BCAR1: variants seen among roughly 807,000 people sequenced by gnomAD.
BCAR1 encodes breast cancer anti-estrogen resistance protein 1.
BCAR1 carries 30 observed loss-of-function variants against 67.6 expected under a neutral mutation model. That is an observed-to-expected ratio of 0.44 (90% CI 0.33 to 0.60). The LOEUF (loss-of-function observed/expected upper bound fraction) is 0.60. Ranked by LOEUF, BCAR1 falls within the 20% of genes least tolerant of loss-of-function variation. The pLI is 0.02. For synonymous variants in BCAR1, 626 were observed against 556.7 expected (o/e 1.12, Z -1.75); for missense variants, 1,313 against 1,222.3 (o/e 1.07, Z -1.11).
intron 1 of BCAR1, chr16:75,265,845 C>G (rs1246826369): frequency 1.7e-6 from 2 of 1,180,888 alleles, no homozygotes; most frequent in Middle Eastern, 3.4e-4. Flanking sequence ...ATCTTGGCCG[C>G]CGCCCCCGGG....
chr16:75,255,102 T>C (rs142928165), upstream of BCAR1, among the ~76,000 whole-genome samples: 68 of 152,332 alleles, frequency 4.5e-4, 1 homozygote, highest in East Asian at 0.01. Context: ...AGCGCCTCAG[T>C]AGAATAGCTT....
At chr16:75,236,063 C>CAT in intron 4 of BCAR1, 77 bp from the exon 5 acceptor site, 2 of 1,457,402 alleles carry the variant, frequency 1.4e-6, no homozygotes, top group Admixed American at 4.3e-5. Flanking sequence ...CACCCAGCCA[C>CAT]ACACACACAC....
Position 75,242,484 on chromosome 16 carries a change from T to C in BCAR1, c.619A>G (p.Lys207Glu). 6.9e-7 allele frequency: 1 copy of C among 1,455,458 alleles called. No individual in the cohort carries two copies. Among genetic ancestry groups the C allele is most frequent in the Non-Finnish European group, 9.1e-7 (1 of 1,104,370 alleles). 90.2% of individuals were successfully genotyped at this position (1,455,458 alleles called of 1,614,324 possible). ...GACAGCCTTACCTTTGCCGGGGGCT[T>C]CGTGCCCTCCCAGCTGCGTGTGTCC... ...SMDTRSWEGTKPPAKVVVPTR... is the reference protein window; with the variant it reads ...SMDTRSWEGTEPPAKVVVPTR... The change falls in exon 2 of 7, where the codon AAG becomes GAG. Residue 207 changes from lysine (K) to glutamate (E), a missense_variant. Physicochemically the swap from Lys to Glu is moderately conservative, Grantham distance 56. Coordinates refer to ENST00000162330, the MANE Select transcript of BCAR1 (RefSeq NM_014567.5).
At chr16:75,264,969 G>C (rs1039480798) in intron 1 of BCAR1, 3 of 153,662 alleles carry the variant, frequency 2.0e-5, no homozygotes, top group African/African-American at 7.2e-5. Context: ...TGTCATGTGG[G>C]GCCTGCACCT....
Position 75,229,429 on chromosome 16 carries a change from T to C in BCAR1, c.*82A>G. The stretch of plus-strand genomic sequence containing the variant: ...AGCTGGGGTCCTGTCCCTAAGCCTG[T>C]GGCACAGCGACTCTTGACATGGGAG... On this transcript the variant is annotated 3_prime_UTR_variant, in exon 7 of 7. Transcript: ENST00000162330. 2.1e-6 allele frequency: 3 copies of C among 1,443,416 alleles called. No individual in the cohort carries two copies. Among genetic ancestry groups the C allele is most frequent in the Non-Finnish European group, 2.7e-6 (3 of 1,099,038 alleles). The allele number at this position is 1,443,416 out of a possible 1,614,324, so 89.4% of individuals were successfully genotyped here.
chr16:75,256,920 G>C (rs1233882350), intron 1 of BCAR1, among the ~76,000 whole-genome samples: 3 of 152,194 alleles, frequency 2.0e-5, no homozygotes, highest in Non-Finnish European at 4.4e-5. Flanking sequence ...GTGCAGTGAG[G>C]AGGGGCCATG....
chr16:75,237,506 T>C, intron 2 of BCAR1, 162 bp from the exon 3 acceptor site: 1 of 840,406 alleles, frequency 1.2e-6, no homozygotes, highest in Non-Finnish European at 1.7e-6. Context: ...CTGCACCATC[T>C]GACCTTCCTC....
intron 1 of BCAR1, among the ~76,000 whole-genome samples, chr16:75,250,462 G>A (rs972378546): frequency 1.3e-5 from 2 of 152,230 alleles, no homozygotes; most frequent in African/African-American, 4.8e-5. Context: ...TCAACCCATG[G>A]TCATTCTGAG....
chr16:75,236,111 C>G, intron 4 of BCAR1, 125 bp from the exon 5 acceptor site: 1 of 1,242,704 alleles, frequency 8.0e-7, no homozygotes, highest in Non-Finnish European at 1.1e-6. Flanking sequence ...CAGAGGCACG[C>G]GCACACACAC....
chr16:75,236,190 C>G (rs1360865670), intron 4 of BCAR1: 1 of 634,360 alleles, frequency 1.6e-6, no homozygotes, highest in African/African-American at 1.9e-5. Flanking sequence ...GCAGCCCTAG[C>G]ACACACATCC....
intron 1 of BCAR1, among the ~76,000 whole-genome samples, chr16:75,243,870 A>T (rs905354633): frequency 4.6e-5 from 7 of 152,026 alleles, no homozygotes; most frequent in African/African-American, 1.5e-4. Context: ...ACACTCATGC[A>T]TCCTCGCCCC....
chr16:75,242,942 A>G lies in BCAR1; in HGVS notation c.161T>C (p.Ile54Thr), dbSNP rs1321546559. 1.2e-6 allele frequency: 2 copies of G among 1,612,828 alleles called. No individual in the cohort carries two copies. Among genetic ancestry groups the G allele is most frequent in the African/African-American group, 2.7e-5 (2 of 74,816 alleles). Residue 54 changes from isoleucine to threonine, a missense_variant, in exon 2 of 7, where the codon ATC (isoleucine) becomes ACC (threonine). Around this residue, in one of 2 missense-constraint regions of BCAR1, gnomAD observed 41 missense variants for 84.8 expected, o/e 0.48. Transcript: ENST00000162330. ...WLCSLHGRQG[I>T]VPGNRLKILV... Reference sequence around the variant, plus strand: ...GATCTTGAGGCGGTTCCCAGGCACGATGCCCTGGCGCCCATGCAGCGAGCA... The same window carrying G: ...GATCTTGAGGCGGTTCCCAGGCACGGTGCCCTGGCGCCCATGCAGCGAGCA...
Position 75,266,472 on chromosome 16 carries a change from G to GGGCCCACCCTC in BCAR1, c.66+1432_66+1442dup, listed in dbSNP as rs2078011124. 2.4e-5 allele frequency: 8 copies of GGGCCCACCCTC among 339,850 alleles called. No homozygotes were observed. In the Admixed American group the frequency reaches 3.9e-4, roughly 16 times the overall value. The allele number at this position is 339,850 out of a possible 1,614,324, so 21.1% of individuals were successfully genotyped here. A position where few individuals can be genotyped will look rare whatever the true frequency, so the allele number is the denominator to read the frequency against. On this transcript the variant is annotated intron_variant, in intron 1 of 6. Coordinates refer to the BCAR1 transcript ENST00000393422. ...CTGTGTCCCTGTAACCCCCACTCCT[G>GGGCCCACCCTC]GGCCCACCCTCAGCCCACCGTCCTC...
chr16:75,236,519 C>G, intron 4 of BCAR1: 1 of 375,102 alleles, frequency 2.7e-6, no homozygotes, highest in Non-Finnish European at 4.8e-6. Flanking sequence ...TATCAGGGGA[C>G]CAAATTCTGG....
intron 1 of BCAR1, chr16:75,249,338 C>T (rs572714730): frequency 1.3e-5 from 2 of 152,352 alleles, no homozygotes; most frequent in East Asian, 1.9e-4. Flanking sequence ...ACTTCTGCCC[C>T]AGGCTAGAAT....
intron 1 of BCAR1, among the ~76,000 whole-genome samples, chr16:75,262,960 C>T (rs1275010267): frequency 6.6e-6 from 1 of 152,210 alleles, no homozygotes; most frequent in African/African-American, 2.4e-5. Flanking sequence ...AAGTAGAGGC[C>T]ATGCAGGACG....
upstream of BCAR1, among the ~76,000 whole-genome samples, chr16:75,252,590 C>G (rs1460352237): frequency 6.6e-6 from 1 of 151,786 alleles, no homozygotes; most frequent in African/African-American, 2.4e-5. Context: ...AGGACCGAGC[C>G]TGGTCCAGAC....
At chr16:75,261,368 A>G (rs2077904620) in intron 1 of BCAR1, among the ~76,000 whole-genome samples, 1 of 152,180 alleles carries the variant, frequency 6.6e-6, no homozygotes, top group Non-Finnish European at 1.5e-5. Flanking sequence ...TGCAGGTATC[A>G]CCCAGGCCCC....
intron 1 of BCAR1, among the ~76,000 whole-genome samples, chr16:75,259,084 CT>C (rs2077841338): frequency 6.6e-6 from 1 of 152,214 alleles, no homozygotes; most frequent in South Asian, 2.1e-4. Flanking sequence ...ACAGATGACT[CT>C]ACAGCCTAAG....
Sources: allele counts gnomAD v4.1 joint callset (sites outside exome capture counted in the v4.1 genomes callset), GRCh38; gene constraint gnomAD v4.1.1; regional missense constraint gnomAD v4.1.1; transcripts MANE v1.5; gene names NCBI Gene and HGNC (gene_info 2026-07-23, HGNC 2026-07-21).